METTL22: variants seen among roughly 807,000 people sequenced by gnomAD.
The protein encoded by METTL22 is methyltransferase 22, Kin17 lysine.
Under a neutral mutation model 48.4 loss-of-function variants are expected in METTL22, and 51 were observed. The observed-to-expected ratio is 1.05, with a 90% CI of 0.84 to 1.33. The LOEUF (loss-of-function observed/expected upper bound fraction) is 1.33. METTL22 is among the 40% of genes most tolerant of loss of function. The pLI is 0.00. For missense variants in METTL22, 678 were observed against 526.9 expected (o/e 1.29, Z -2.81); for synonymous variants, 255 against 214.1 (o/e 1.19, Z -1.67).
At chr16:8,663,234 A>T in the METTL22 span, among the ~76,000 whole-genome samples, 20,062 of 139,558 alleles carry the variant, frequency 0.14, 1,648 homozygotes, top group African/African-American at 0.17. Context: ...AAGGTAGCCA[A>T]GCCATCATCA....
intron 5 of METTL22, 146 bp from the exon 6 acceptor site, chr16:8,638,945 T>TTAAG: frequency 1.4e-6 from 1 of 730,374 alleles, no homozygotes; most frequent in Non-Finnish European, 2.4e-6. Flanking sequence ...GTGAGGGTAT[T>TTAAG]TAATTTTGGC....
intron 7 of METTL22, 149 bp downstream of exon 7, chr16:8,641,333 A>G: frequency 1.3e-6 from 1 of 766,188 alleles, no homozygotes; most frequent in Non-Finnish European, 2.3e-6. Context: ...CCATTGGCCG[A>G]TGAGCACCAG....
intron 10 of METTL22, chr16:8,645,893 A>G: frequency 1.0e-6 from 1 of 990,742 alleles, no homozygotes; most frequent in Non-Finnish European, 1.2e-6. Flanking sequence ...TAATGCTGGG[A>G]CTTCATCCAT....
At chr16:8,665,447 T>C in the METTL22 span, among the ~76,000 whole-genome samples, 1 of 152,152 alleles carries the variant, frequency 6.6e-6, no homozygotes, top group African/African-American at 2.4e-5. Flanking sequence ...GCAAAGCCCC[T>C]CCCTCTGCTG....
downstream of METTL22, among the ~76,000 whole-genome samples, chr16:8,650,342 C>A (rs542470995): frequency 4.6e-5 from 7 of 152,218 alleles, no homozygotes; most frequent in South Asian, 2.1e-4. Context: ...GAAAAAAAAA[C>A]CCACCAACTC....
rs892449540 is a variant in METTL22 at position 8,644,639 on chromosome 16, C to G, written c.1093C>G (p.Leu365Val). ...CTCCTGCCTGCACGCGCTGGAGCAG[C>G]TCGCAGATGGCAAGCTGCGCTTCGT... Reference protein sequence around the residue: ...FRSCLHALEQLADGKLRFVVE... With the variant: ...FRSCLHALEQVADGKLRFVVE... Residue 365 changes from leucine to valine, a missense_variant, in exon 10 of 11, where the codon CTC (leucine) becomes GTC (valine). Physicochemically the swap from Leu to Val is conservative, Grantham distance 32 (BLOSUM62 1). Transcript: ENST00000381920. 2 of 1,607,540 alleles carry G rather than the reference C, an allele frequency of 1.2e-6. No homozygotes were observed. Among genetic ancestry groups the G allele is most frequent in the Non-Finnish European group, 1.7e-6 (2 of 1,177,162 alleles).
downstream of METTL22, among the ~76,000 whole-genome samples, chr16:8,653,629 A>T (rs991762374): frequency 2.6e-5 from 4 of 152,248 alleles, no homozygotes; most frequent in Non-Finnish European, 5.9e-5. Context: ...GCCTGGTTGA[A>T]GTGGATCTTG....
At chr16:8,652,477 A>G (rs1464618926), downstream of METTL22, among the ~76,000 whole-genome samples, 1 of 150,144 alleles carries the variant, frequency 6.7e-6, no homozygotes, top group African/African-American at 2.4e-5. Context: ...AAAAAAAAAA[A>G]AAAAAAAGTG....
chr16:8,625,355 G>A, intron 1 of METTL22, 141 bp from the exon 2 acceptor site: 1 of 186,546 alleles, frequency 5.4e-6, no homozygotes, highest in African/African-American at 2.3e-5. Context: ...AAAGGGAAAG[G>A]AAACTTTATA....
chr16:8,652,191 G>T (rs936162489), downstream of METTL22, among the ~76,000 whole-genome samples: 3 of 152,108 alleles, frequency 2.0e-5, no homozygotes, highest in Non-Finnish European at 2.9e-5. Context: ...GGGCGCGGTG[G>T]CTCAAGCCTG....
the METTL22 span, among the ~76,000 whole-genome samples, chr16:8,666,333 A>G: frequency 1.3e-5 from 2 of 152,174 alleles, no homozygotes; most frequent in African/African-American, 4.8e-5. Flanking sequence ...ACCCACAGTG[A>G]TTATTTGCTA....
chr16:8,655,307 T>A, the METTL22 span, among the ~76,000 whole-genome samples: 1 of 152,154 alleles, frequency 6.6e-6, no homozygotes, highest in African/African-American at 2.4e-5. Flanking sequence ...CTCCCTCTTG[T>A]GGTTGGTGGC....
downstream of METTL22, among the ~76,000 whole-genome samples, chr16:8,649,895 C>G (rs548915100): frequency 3.3e-5 from 5 of 152,266 alleles, no homozygotes; most frequent in South Asian, 1.0e-3. Flanking sequence ...GGGATCTTGT[C>G]AAAATACAGA....
At chr16:8,630,912 G>T (rs998016900) in intron 3 of METTL22, among the ~76,000 whole-genome samples, 2 of 152,196 alleles carry the variant, frequency 1.3e-5, no homozygotes, top group Non-Finnish European at 2.9e-5. Flanking sequence ...TGCAAAACTT[G>T]ATCTAATCCT....
At chr16:8,634,088 A>C (rs1346386541) in intron 3 of METTL22, among the ~76,000 whole-genome samples, 2 of 152,246 alleles carry the variant, frequency 1.3e-5, no homozygotes. Flanking sequence ...GTAAGCCACC[A>C]TGTCAAATCT....
chr16:8,629,447 C>T (rs2056180999), intron 3 of METTL22, among the ~76,000 whole-genome samples: 1 of 152,248 alleles, frequency 6.6e-6, no homozygotes, highest in African/African-American at 2.4e-5. Flanking sequence ...CTGCCTCCCA[C>T]ATCTGTGCTC....
chr16:8,663,892 A>G, the METTL22 span, among the ~76,000 whole-genome samples: 3 of 152,136 alleles, frequency 2.0e-5, no homozygotes, highest in African/African-American at 4.8e-5. Context: ...AGACTGTCCT[A>G]TGCATTGTAG....
At position 8,649,230 on chromosome 16, in the gene METTL22, A is replaced by G. The variant is rs146655939; in HGVS notation, c.*3087A>G. On this transcript the variant is annotated 3_prime_UTR_variant, in exon 11 of 11. Transcript: ENST00000381920. ...TTCCTCTAAGTAGAGCCTGGAATTAATCTTGATCCACTGTAATTCAAAGTA... is the reference window on the plus strand; with the variant it reads ...TTCCTCTAAGTAGAGCCTGGAATTAGTCTTGATCCACTGTAATTCAAAGTA... 6.6e-6 allele frequency: 1 copy of G among 152,140 alleles called. No individual in the cohort carries two copies. The highest frequency in any genetic ancestry group is 2.4e-5 in the African/African-American group (1 of 41,552). 9.4% of individuals were successfully genotyped at this position (152,140 alleles called of 1,614,324 possible).
the METTL22 span, among the ~76,000 whole-genome samples, chr16:8,666,258 G>A: frequency 3.7e-3 from 570 of 152,266 alleles, 6 homozygotes; most frequent in African/African-American, 0.013. Flanking sequence ...TCCACGGTGG[G>A]ATAATCCTAA....
Sources: allele counts gnomAD v4.1 joint callset (sites outside exome capture counted in the v4.1 genomes callset), GRCh38; gene constraint gnomAD v4.1.1; transcripts MANE v1.5; gene names NCBI Gene and HGNC (gene_info 2026-07-23, HGNC 2026-07-21).